PREX1: variants seen among roughly 807,000 people sequenced by gnomAD.
PREX1 encodes the protein phosphatidylinositol-3,4,5-trisphosphate dependent Rac exchange factor 1.
Under a neutral mutation model 198.3 loss-of-function variants are expected in PREX1, and 41 were observed. That is an observed-to-expected ratio of 0.21 (90% CI 0.16 to 0.27). The LOEUF (loss-of-function observed/expected upper bound fraction) is 0.27, where lower values mean the gene tolerates loss of function less well. Ranked by LOEUF, PREX1 falls within the 10% of genes least tolerant of loss-of-function variation. The pLI, the probability that PREX1 is intolerant of heterozygous loss-of-function variation, is 1.00. For missense variants in PREX1, 1,620 were observed against 2,200.7 expected, an observed-to-expected ratio of 0.74 and a Z score of 5.28; for synonymous variants, 843 against 887.2, an observed-to-expected ratio of 0.95 and a Z score of 0.89.
At chr20:48,767,114 G>A (rs555839796) in intron 1 of PREX1, among the ~76,000 whole-genome samples, 1 of 152,276 alleles carries the variant, frequency 6.6e-6, no homozygotes, top group East Asian at 1.9e-4. Context: ...CTGTTCCCTC[G>A]TCCGCGAAAC....
the PREX1 span, among the ~76,000 whole-genome samples, chr20:48,846,486 G>T: frequency 6.6e-6 from 1 of 151,934 alleles, no homozygotes; most frequent in Non-Finnish European, 1.5e-5. Flanking sequence ...CTGGCACCTC[G>T]TTCATCTCAC....
intron 7 of PREX1, among the ~76,000 whole-genome samples, chr20:48,694,763 G>T (rs2089836881): frequency 6.6e-6 from 1 of 152,230 alleles, no homozygotes; most frequent in African/African-American, 2.4e-5. Context: ...TGAAAATTAA[G>T]TTGTAAGTGG....
At chr20:48,783,734 G>A (rs577748993) in intron 1 of PREX1, among the ~76,000 whole-genome samples, 21 of 152,170 alleles carry the variant, frequency 1.4e-4, no homozygotes, top group South Asian at 6.2e-4. Context: ...CTACTCAGCA[G>A]CATCTCCCAG....
intron 1 of PREX1, among the ~76,000 whole-genome samples, chr20:48,767,874 C>G (rs1171632722): frequency 6.6e-6 from 1 of 152,176 alleles, no homozygotes; most frequent in Non-Finnish European, 1.5e-5. Flanking sequence ...GCAGCCTCAC[C>G]CAAGCCACAA....
chr20:48,655,422 G>T, intron 18 of PREX1, 47 bp from the exon 19 acceptor site: 1 of 1,406,214 alleles, frequency 7.1e-7, no homozygotes, highest in Non-Finnish European at 9.6e-7. Flanking sequence ...AGGAAAACCA[G>T]CATCACTCTC....
chr20:48,792,255 G>A (rs2090342036), intron 1 of PREX1, among the ~76,000 whole-genome samples: 1 of 152,046 alleles, frequency 6.6e-6, no homozygotes. Context: ...TGGATCACCT[G>A]AGGTCAGGAG....
chr20:48,877,413 T>C, the PREX1 span, among the ~76,000 whole-genome samples: 5 of 152,220 alleles, frequency 3.3e-5, no homozygotes, highest in Non-Finnish European at 5.9e-5. Flanking sequence ...CCCTCAGCAC[T>C]TTTTTCTGCA....
At chr20:48,639,971 T>C in intron 29 of PREX1, 77 bp from the exon 30 acceptor site, 2 of 1,519,008 alleles carry the variant, frequency 1.3e-6, no homozygotes, top group Non-Finnish European at 1.8e-6. Context: ...AAGGCCTATG[T>C]CCCATCACAG....
intron 6 of PREX1, among the ~76,000 whole-genome samples, chr20:48,701,963 T>A (rs988210770): frequency 6.6e-6 from 1 of 151,942 alleles, no homozygotes. Flanking sequence ...ATGCCTGTAA[T>A]CCTTTGGGAG....
At chr20:48,763,338 T>G (rs1439761704) in intron 1 of PREX1, among the ~76,000 whole-genome samples, 1 of 152,214 alleles carries the variant, frequency 6.6e-6, no homozygotes, top group East Asian at 1.9e-4. Flanking sequence ...GAGACAGTGG[T>G]GGCTGGGAAC....
chr20:48,652,699 T>C lies in PREX1; in HGVS notation c.2354A>G (p.Tyr785Cys). ...RSRREEALGL[Y>C]QWIYHTHEDA... The stretch of plus-strand genomic sequence containing the variant: ...CTCATGGGTGTGGTAGATCCACTGG[T>C]ACAGGCCCTGCCAGAAGCCAGAGTA... The change falls in exon 21 of 40, where the codon TAC becomes TGC. Residue 785 changes from tyrosine to cysteine, a missense_variant. By Grantham distance (194) the Tyr-to-Cys change is radical (BLOSUM62 -2). This residue lies in a region of PREX1 where 514 missense variants were observed against 611.6 expected (regional missense o/e 0.84). Coordinates refer to ENST00000371941, the MANE Select transcript of PREX1 (RefSeq NM_020820.4). 2 of 1,611,826 alleles carry C rather than the reference T, an allele frequency of 1.2e-6. No individual in the cohort carries two copies. The highest frequency in any genetic ancestry group is 1.1e-5 in the South Asian group (1 of 90,794).
chr20:48,822,292 G>C (rs1234220126), intron 1 of PREX1, among the ~76,000 whole-genome samples: 1 of 152,198 alleles, frequency 6.6e-6, no homozygotes, highest in Non-Finnish European at 1.5e-5. Context: ...AGGTCTCACA[G>C]GGGCAGTAAT....
At chr20:48,744,161 G>C (rs2122764598) in intron 3 of PREX1, among the ~76,000 whole-genome samples, 1 of 152,204 alleles carries the variant, frequency 6.6e-6, no homozygotes, top group East Asian at 1.9e-4. Context: ...TGGCATCCCT[G>C]GCCTCTACTT....
intron 14 of PREX1, among the ~76,000 whole-genome samples, chr20:48,672,014 G>A (rs1006338694): frequency 1.3e-5 from 2 of 152,236 alleles, no homozygotes; most frequent in East Asian, 1.9e-4. Flanking sequence ...TGACAGTGAC[G>A]CAAGCTACTC....
chr20:48,827,684 GC>G lies in PREX1; in HGVS notation c.176del (p.Gly59AlafsTer78). On this transcript the variant is annotated frameshift_variant, in exon 1 of 40. Coordinates refer to ENST00000371941, the MANE Select transcript of PREX1 (RefSeq NM_020820.4). LOFTEE classifies it high-confidence loss of function. This position sits in a 1 kb window ranked among gnomAD's most constrained non-coding sequence, Gnocchi z 4.1. ...LRLCVLNEIL[G>X]TERDYVGTLR... ...AGGTGCCCACGTAGTCCCTCTCGGT[GC>G]CCAAGATCTCGTTGAGGACGCAGAG... is the stretch of plus-strand genomic sequence containing the variant. The G allele has an allele frequency of 7.3e-7, 1 of 1,377,980 alleles. No homozygotes were observed. The highest frequency in any genetic ancestry group is 1.8e-5 in the South Asian group (1 of 56,954). The allele number at this position is 1,377,980 out of a possible 1,614,324, so 85.4% of individuals were successfully genotyped here. A position where few individuals can be genotyped will look rare whatever the true frequency, so the allele number is the denominator to read the frequency against.
At chr20:48,685,536 G>A (rs1383490629) in intron 10 of PREX1, among the ~76,000 whole-genome samples, 1 of 152,190 alleles carries the variant, frequency 6.6e-6, no homozygotes, top group Non-Finnish European at 1.5e-5. Context: ...CTGAGGTTCA[G>A]AGAGGTTAAG....
intron 17 of PREX1, 60 bp from the exon 18 acceptor site, chr20:48,657,248 A>C: frequency 6.4e-7 from 1 of 1,568,578 alleles, no homozygotes; most frequent in Non-Finnish European, 8.7e-7. Context: ...TTCCCTCCTC[A>C]CCAAGGAAGC....
At chr20:48,762,747 G>A (rs1429388566) in intron 1 of PREX1, among the ~76,000 whole-genome samples, 2 of 145,274 alleles carry the variant, frequency 1.4e-5, no homozygotes, top group Non-Finnish European at 3.0e-5. Context: ...CTGTCACCCA[G>A]GCTGGAGTGC....
chr20:48,678,296 C>T (rs567207222), intron 13 of PREX1, among the ~76,000 whole-genome samples: 3 of 148,692 alleles, frequency 2.0e-5, no homozygotes, highest in East Asian at 2.0e-4. Context: ...GGGGACAGAA[C>T]GAGGCTCTGT....
Sources: allele counts gnomAD v4.1 joint callset (sites outside exome capture counted in the v4.1 genomes callset), GRCh38; gene constraint gnomAD v4.1.1; regional missense constraint gnomAD v4.1.1; non-coding constraint Gnocchi (gnomAD v3.1); transcripts MANE v1.5; gene names NCBI Gene and HGNC (gene_info 2026-07-23, HGNC 2026-07-21).